Variants in AP4E1 observed in about 807,000 individuals in gnomAD.
AP4E1 encodes the protein AP-4 complex subunit epsilon-1.
AP4E1 carries 56 observed loss-of-function variants against 128.2 expected under a neutral mutation model. That is an observed-to-expected ratio of 0.44 (90% CI 0.35 to 0.55). The LOEUF is 0.55. AP4E1 is among the 20% of genes least tolerant of loss of function. The probability of loss-of-function intolerance (pLI) is 0.00; values close to 1 mark genes in which losing one functional copy is unlikely to be tolerated. For synonymous variants in AP4E1, 484 were observed against 473.1 expected (o/e 1.02, Z -0.30); for missense variants, 1,324 against 1,307.7 (o/e 1.01, Z -0.19).
chr15:50,975,853 G>T (rs2064543060), intron 15 of AP4E1, among the ~76,000 whole-genome samples: 3 of 152,082 alleles, frequency 2.0e-5, no homozygotes. Context: ...GCTCATGCCT[G>T]TAGTCCTAGC....
At chr15:50,954,641 A>C (rs1188763692) in intron 13 of AP4E1, among the ~76,000 whole-genome samples, 1 of 152,158 alleles carries the variant, frequency 6.6e-6, no homozygotes, top group East Asian at 1.9e-4. Context: ...CAGTTCTTTC[A>C]AATTCGAGGT....
At chr15:50,914,633 AGAGC>A (rs2063606094) in intron 2 of AP4E1, among the ~76,000 whole-genome samples, 2 of 140,330 alleles carry the variant, frequency 1.4e-5, no homozygotes, top group Non-Finnish European at 3.1e-5. Context: ...CCTGGGTGAC[AGAGC>A]GAGACTCTGT....
At chr15:50,963,515 G>GTTC (rs2064344490) in intron 14 of AP4E1, among the ~76,000 whole-genome samples, 1 of 152,168 alleles carries the variant, frequency 6.6e-6, no homozygotes, top group Non-Finnish European at 1.5e-5. Context: ...ATATGTGGAA[G>GTTC]TTAAAAATGT....
At chr15:50,969,908 C>T (rs907254178) in intron 15 of AP4E1, among the ~76,000 whole-genome samples, 1 of 152,148 alleles carries the variant, frequency 6.6e-6, no homozygotes, top group African/African-American at 2.4e-5. Context: ...ATCTGCCCGC[C>T]TTGGCCTCCC....
chr15:50,964,663 G>C (rs1377267043), intron 14 of AP4E1, among the ~76,000 whole-genome samples: 1 of 151,612 alleles, frequency 6.6e-6, no homozygotes, highest in African/African-American at 2.4e-5. Context: ...CTGTGGTGTT[G>C]GTTAATAAGG....
intron 15 of AP4E1, among the ~76,000 whole-genome samples, chr15:50,982,719 T>A (rs1406964383): frequency 1.3e-5 from 2 of 152,232 alleles, no homozygotes; most frequent in Admixed American, 6.5e-5. Context: ...CATTGATTCT[T>A]CTTCTGTATC....
chr15:50,975,890 C>G (rs923386677), intron 15 of AP4E1, among the ~76,000 whole-genome samples: 3 of 151,918 alleles, frequency 2.0e-5, no homozygotes, highest in African/African-American at 7.3e-5. Flanking sequence ...GTGGGAGGAT[C>G]ACTTGAAGCC....
intron 15 of AP4E1, among the ~76,000 whole-genome samples, chr15:50,982,677 C>G (rs565981859): frequency 1.3e-4 from 20 of 149,580 alleles, no homozygotes; most frequent in African/African-American, 4.9e-4. Context: ...CACAGTTCTC[C>G]TGATCATTAG....
chr15:50,993,242 A>G (rs1021900616), intron 16 of AP4E1, 128 bp from the exon 17 acceptor site: 104 of 930,668 alleles, frequency 1.1e-4, no homozygotes, highest in Non-Finnish European at 1.0e-4. Context: ...TACTTCTGGT[A>G]TATAGAATAT....
At chr15:50,925,922 GCC>G (rs1166272903) in intron 5 of AP4E1, among the ~76,000 whole-genome samples, 8 of 151,530 alleles carry the variant, frequency 5.3e-5, no homozygotes, top group Admixed American at 3.3e-4. Flanking sequence ...ACCATGCCCG[GCC>G]CGGGAAGATG....
chr15:50,959,738 T>C (rs1470888050), intron 14 of AP4E1, among the ~76,000 whole-genome samples: 1 of 152,072 alleles, frequency 6.6e-6, no homozygotes, highest in Non-Finnish European at 1.5e-5. Context: ...GGAAAAAATG[T>C]ATAAAACAAT....
In AP4E1 at chr15:50,911,238, G is replaced by C. The variant is rs2063563238; in HGVS notation, c.151-840G>C. On this transcript the variant is annotated intron_variant, in intron 1 of 20. Transcript: ENST00000261842. ...GCTTAGGGAGATAACATACAATGCA[G>C]ACAGTAGGAGTGACCACATTGGTAT... Among the ~76,000 whole-genome samples, 7 of 152,162 alleles carry C rather than the reference G, an allele frequency of 4.6e-5. No homozygotes were observed. The South Asian group carries it at 1.4e-3, about 32-fold the overall frequency.
chr15:51,001,329 T>C, intron 20 of AP4E1, 146 bp downstream of exon 20: 1 of 758,586 alleles, frequency 1.3e-6, no homozygotes, highest in Non-Finnish European at 2.1e-6. Context: ...TTTCAGACTG[T>C]ATTAAATAAT....
At chr15:50,931,641 G>A (rs1279235455) in intron 7 of AP4E1, among the ~76,000 whole-genome samples, 1 of 151,846 alleles carries the variant, frequency 6.6e-6, no homozygotes, top group East Asian at 1.9e-4. Context: ...GCATCTATTC[G>A]ACTCTGCTAT....
At chr15:50,936,894 C>T (rs1270075603) in intron 8 of AP4E1, among the ~76,000 whole-genome samples, 2 of 152,020 alleles carry the variant, frequency 1.3e-5, no homozygotes, top group Admixed American at 6.6e-5. Context: ...GAGCCAAGAT[C>T]ATGCCACTGC....
intron 19 of AP4E1, among the ~76,000 whole-genome samples, chr15:50,999,504 G>A (rs566375538): frequency 6.6e-6 from 1 of 152,168 alleles, no homozygotes; most frequent in African/African-American, 2.4e-5. Flanking sequence ...GGATTATAAT[G>A]AGAGACCTGA....
chr15:50,923,831 A>G (rs2063736933), intron 3 of AP4E1, 100 bp from the exon 4 acceptor site: 1 of 850,426 alleles, frequency 1.2e-6, no homozygotes. Flanking sequence ...GTTTACTTGT[A>G]ACTGGTATCT....
Position 50,915,432 on chromosome 15 carries a change from ATATT to A in AP4E1, c.223-14_223-11del. 1.2e-6 allele frequency: 2 copies of A among 1,609,330 alleles called. No homozygotes were observed. The highest frequency in any genetic ancestry group is 1.7e-6 in the Non-Finnish European group (2 of 1,176,128). On this transcript the variant is annotated splice_polypyrimidine_tract_variant and intron_variant, in intron 2 of 20. Coordinates refer to ENST00000261842, the MANE Select transcript of AP4E1 (RefSeq NM_007347.5). The stretch of plus-strand genomic sequence containing the variant: ...TTCTGTTTATTTATACAGCTACTGG[ATATT>A]TTGCTTTTCAGAAAATGATGAAGGA...
intron 3 of AP4E1, among the ~76,000 whole-genome samples, chr15:50,921,705 A>G (rs2063704938): frequency 6.6e-6 from 1 of 152,356 alleles, no homozygotes; most frequent in East Asian, 1.9e-4. Flanking sequence ...TAAGTCATAG[A>G]GCAGATAAAT....
Sources: gnomAD v4.1 joint callset for allele counts (sites outside exome capture counted in the v4.1 genomes callset) on GRCh38, gnomAD v4.1.1 for gene constraint, MANE v1.5 for transcripts, NCBI Gene and HGNC (gene_info 2026-07-23, HGNC 2026-07-21) for gene names.